The following PAK5 variants were observed in gnomAD, a reference collection of about 807,000 sequenced individuals.
PAK5 encodes the protein serine/threonine-protein kinase PAK 5.
A neutral mutation model predicts 65.9 loss-of-function variants in PAK5; 16 were observed. That is an observed-to-expected ratio of 0.24 (90% CI 0.16 to 0.37). The LOEUF is 0.37. Ranked by LOEUF, PAK5 falls within the 10% of genes least tolerant of loss-of-function variation. PAK5 has a pLI of 1.00. For synonymous variants in PAK5, 371 were observed against 354.9 expected (o/e 1.05, Z -0.51); for missense variants, 785 against 903.9 (o/e 0.87, Z 1.69).
chr20:9,612,641 G>T (rs141566990), intron 3 of PAK5, among the ~76,000 whole-genome samples: 1 of 151,918 alleles, frequency 6.6e-6, no homozygotes, highest in South Asian at 2.1e-4. Context: ...CCACCCCCCC[G>T]ATCCAATCAC....
At chr20:9,663,917 A>G (rs1430611335) in intron 2 of PAK5, among the ~76,000 whole-genome samples, 1 of 152,202 alleles carries the variant, frequency 6.6e-6, no homozygotes, top group Non-Finnish European at 1.5e-5. Flanking sequence ...TCAGTAGTGG[A>G]ATGCATAAAT....
At chr20:9,774,392 T>C (rs1190714754) in intron 1 of PAK5, among the ~76,000 whole-genome samples, 2 of 152,032 alleles carry the variant, frequency 1.3e-5, no homozygotes, top group African/African-American at 2.4e-5. Flanking sequence ...ATCCCTGGAG[T>C]TGGGGAGCCG....
At chr20:9,557,537 TAA>T in intron 7 of PAK5, 69 bp downstream of exon 7, 1 of 1,310,180 alleles carries the variant, frequency 7.6e-7, no homozygotes, top group Admixed American at 2.5e-5. Flanking sequence ...AAAGTGTTTC[TAA>T]AAGAGTTATG....
chr20:9,764,774 G>T (rs769989505), intron 1 of PAK5, among the ~76,000 whole-genome samples: 1 of 152,072 alleles, frequency 6.6e-6, no homozygotes, highest in Non-Finnish European at 1.5e-5. Context: ...GTACAGTTGT[G>T]GTTATTTTTC....
chr20:9,765,656 G>T (rs143638398), intron 1 of PAK5, among the ~76,000 whole-genome samples: 1 of 151,956 alleles, frequency 6.6e-6, no homozygotes, highest in African/African-American at 2.4e-5. Flanking sequence ...CCATCAAGCC[G>T]CCCTCTCCCT....
At chr20:9,659,358 C>T (rs1421095701) in intron 2 of PAK5, among the ~76,000 whole-genome samples, 1 of 152,174 alleles carries the variant, frequency 6.6e-6, no homozygotes, top group African/African-American at 2.4e-5. Context: ...CAAACACTTG[C>T]ATAATTCTGC....
intron 1 of PAK5, among the ~76,000 whole-genome samples, chr20:9,787,012 C>A (rs78593116): frequency 0.23 from 34,591 of 151,954 alleles, 4,185 homozygotes; most frequent in Middle Eastern, 0.43. Flanking sequence ...ACTCCTCATG[C>A]AGCTGCTGAA....
At chr20:9,619,720 C>A (rs185757317) in intron 3 of PAK5, among the ~76,000 whole-genome samples, 7 of 152,324 alleles carry the variant, frequency 4.6e-5, no homozygotes, top group African/African-American at 1.7e-4. Context: ...ATTTTTCCTT[C>A]CAGGGGATTC....
intron 1 of PAK5, among the ~76,000 whole-genome samples, chr20:9,754,449 C>A (rs980653450): frequency 2.0e-5 from 3 of 151,976 alleles, no homozygotes; most frequent in African/African-American, 4.8e-5. Flanking sequence ...GGCCATGAGA[C>A]CAGATGAAGT....
chr20:9,753,467 A>G (rs1487356970), intron 1 of PAK5, among the ~76,000 whole-genome samples: 1 of 152,158 alleles, frequency 6.6e-6, no homozygotes, highest in Non-Finnish European at 1.5e-5. Context: ...CTTCACATTA[A>G]TAATGCCAAG....
At chr20:9,815,863 C>T (rs866071177) in intron 1 of PAK5, among the ~76,000 whole-genome samples, 1 of 152,146 alleles carries the variant, frequency 6.6e-6, no homozygotes, top group Admixed American at 6.6e-5. Flanking sequence ...CTCAAACCAA[C>T]CAGCCCCTTC....
chr20:9,642,337 T>A (rs180807041), intron 3 of PAK5, among the ~76,000 whole-genome samples: 9 of 152,366 alleles, frequency 5.9e-5, no homozygotes, highest in Admixed American at 2.0e-4. Flanking sequence ...GACTTTTTAA[T>A]GATCACCATT....
chr20:9,812,072 A>AG (rs1207011595), intron 1 of PAK5, among the ~76,000 whole-genome samples: 1 of 152,200 alleles, frequency 6.6e-6, no homozygotes, highest in Non-Finnish European at 1.5e-5. Context: ...GATATTTCCT[A>AG]GGGGATCACC....
chr20:9,696,767 A>G (rs1054544017), intron 2 of PAK5, among the ~76,000 whole-genome samples: 3 of 152,112 alleles, frequency 2.0e-5, no homozygotes, highest in African/African-American at 7.2e-5. Context: ...GTAAAGAAGT[A>G]CTTGAAGAGT....
intron 2 of PAK5, among the ~76,000 whole-genome samples, chr20:9,693,324 C>T (rs2047823264): frequency 6.6e-6 from 1 of 152,036 alleles, no homozygotes; most frequent in Non-Finnish European, 1.5e-5. Context: ...GCTTTTTATT[C>T]TCCAAATGCA....
At chr20:9,718,322 A>T (rs187146006) in intron 1 of PAK5, among the ~76,000 whole-genome samples, 201 of 152,192 alleles carry the variant, frequency 1.3e-3, no homozygotes, top group African/African-American at 4.7e-3. Flanking sequence ...CCTTATGCAA[A>T]TACATTTCAA....
chr20:9,802,910 G>GTGTATATATATATATATATATATATATA (rs142279832), intron 1 of PAK5, among the ~76,000 whole-genome samples: 14 of 46,372 alleles, frequency 3.0e-4, no homozygotes, highest in South Asian at 1.4e-3. Context: ...ATATGTATGT[G>GTGTATATATATATATATATATATATATA]TATATATATA....
chr20:9,707,860 T>C, intron 2 of PAK5, among the ~76,000 whole-genome samples: 1 of 152,148 alleles, frequency 6.6e-6, no homozygotes, highest in East Asian at 1.9e-4. Flanking sequence ...AGAGCAAACC[T>C]AGCTAAGATC....
intron 3 of PAK5, among the ~76,000 whole-genome samples, chr20:9,592,941 C>T (rs2046198032): frequency 6.6e-6 from 1 of 152,060 alleles, no homozygotes; most frequent in South Asian, 2.1e-4. Flanking sequence ...GAGATACAAG[C>T]CCGTAGCTGA....
Sources: allele counts gnomAD v4.1 joint callset (sites outside exome capture counted in the v4.1 genomes callset), GRCh38; gene constraint gnomAD v4.1.1; transcripts MANE v1.5; gene names NCBI Gene and HGNC (gene_info 2026-07-23, HGNC 2026-07-21).